The following MTHFD1L variants were observed in gnomAD, a reference collection of about 807,000 sequenced individuals.
MTHFD1L encodes the protein monofunctional C1-tetrahydrofolate synthase, mitochondrial.
MTHFD1L carries 81 observed loss-of-function variants against 119.5 expected under a neutral mutation model. That is an observed-to-expected ratio of 0.68 (90% CI 0.57 to 0.82). The LOEUF is 0.82. MTHFD1L is among the 40% of genes least tolerant of loss of function. The probability of loss-of-function intolerance (pLI) is 0.00; values close to 1 mark genes in which losing one functional copy is unlikely to be tolerated. For synonymous variants in MTHFD1L, 430 were observed against 475.2 expected (o/e 0.90, Z 1.24); for missense variants, 1,125 against 1,253.4 (o/e 0.90, Z 1.55).
At chr6:150,957,501 A>G (rs1016642208) in intron 17 of MTHFD1L, among the ~76,000 whole-genome samples, 1 of 144,752 alleles carries the variant, frequency 6.9e-6, no homozygotes, top group Non-Finnish European at 1.5e-5. Flanking sequence ...TGGAACTAAA[A>G]ATATTTTAAT....
intron 12 of MTHFD1L, 148 bp from the exon 13 acceptor site, chr6:150,938,551 C>A: frequency 1.4e-6 from 1 of 730,596 alleles, no homozygotes; most frequent in Non-Finnish European, 2.4e-6. Flanking sequence ...TTGGATATAA[C>A]CATTAGTGTC....
chr6:150,926,039 G>A lies in MTHFD1L; in HGVS notation c.1083-83G>A, dbSNP rs890579478. ...TAATTGCATTGATTTCATCGTTGGCGTGATGTGTGGCTGTTTTCACTCCAG... is the reference window on the plus strand; with the variant it reads ...TAATTGCATTGATTTCATCGTTGGCATGATGTGTGGCTGTTTTCACTCCAG... On this transcript the variant is annotated intron_variant, in intron 10 of 27. Transcript: ENST00000367321. This position sits in a 1 kb window ranked among gnomAD's most constrained non-coding sequence, Gnocchi z 4.3. 14 of 1,208,964 alleles carry A rather than the reference G, an allele frequency of 1.2e-5. No homozygotes were observed. Among genetic ancestry groups the A allele is most frequent in the Middle Eastern group, 2.1e-4 (1 of 4,696 alleles). 74.9% of individuals were successfully genotyped at this position (1,208,964 alleles called of 1,614,324 possible). A position where few individuals can be genotyped will look rare whatever the true frequency, so the allele number is the denominator to read the frequency against.
At chr6:150,994,064 T>TAAAAAAAAAAA (rs746589557) in intron 20 of MTHFD1L, among the ~76,000 whole-genome samples, 13 of 74,240 alleles carry the variant, frequency 1.8e-4, no homozygotes, top group African/African-American at 9.1e-4. Flanking sequence ...ACAACAACAG[T>TAAAAAAAAAAA]AAAAAAAAAA....
intron 19 of MTHFD1L, among the ~76,000 whole-genome samples, chr6:150,965,639 C>T (rs1221148952): frequency 2.7e-5 from 4 of 146,488 alleles, no homozygotes; most frequent in Non-Finnish European, 5.9e-5. Context: ...CCAGCCTGGG[C>T]GACAGAGCGA....
chr6:151,065,068 T>C (rs1419099331), intron 26 of MTHFD1L, among the ~76,000 whole-genome samples: 1 of 152,164 alleles, frequency 6.6e-6, no homozygotes, highest in Non-Finnish European at 1.5e-5. Context: ...ACTCCCAAAG[T>C]GCTGGGATTA....
chr6:150,888,322 C>T (rs988430881), intron 7 of MTHFD1L, among the ~76,000 whole-genome samples: 4 of 152,174 alleles, frequency 2.6e-5, no homozygotes, highest in African/African-American at 9.6e-5. Context: ...AGGCCAGTTT[C>T]AGCTATGAAT....
intron 26 of MTHFD1L, among the ~76,000 whole-genome samples, chr6:151,050,022 G>T (rs778674323): frequency 6.6e-6 from 1 of 152,178 alleles, no homozygotes; most frequent in Non-Finnish European, 1.5e-5. Flanking sequence ...AAGAGGACAG[G>T]GTTCAAGGGG....
At chr6:150,936,396 C>T (rs1792058331) in intron 11 of MTHFD1L, among the ~76,000 whole-genome samples, 2 of 152,270 alleles carry the variant, frequency 1.3e-5, no homozygotes, top group Middle Eastern at 6.8e-3. Context: ...GACCGTTGAG[C>T]TAGGCCCTGT....
intron 6 of MTHFD1L, among the ~76,000 whole-genome samples, chr6:150,886,932 G>C (rs1440974537): frequency 6.6e-6 from 1 of 150,604 alleles, no homozygotes; most frequent in African/African-American, 2.4e-5. Context: ...GGAGGTCAAG[G>C]CTTCAGTGAG....
In MTHFD1L at chr6:151,015,697, A is replaced by G. The variant is rs961894529; in HGVS notation, c.2586+4A>G. On this transcript the variant is annotated splice_donor_region_variant and intron_variant, in intron 24 of 27. Transcript: ENST00000367321. The stretch of plus-strand genomic sequence containing the variant: ...CCAGTTCCTGTATGATGTTCAGGTA[A>G]GATCTAGTAAAAACAATGGCTCACA... 3.1e-6 allele frequency: 5 copies of G among 1,612,492 alleles called. No homozygotes were observed. Among genetic ancestry groups the G allele is most frequent in the Non-Finnish European group, 4.2e-6 (5 of 1,179,428 alleles).
chr6:150,983,815 G>A (rs901092343), intron 20 of MTHFD1L, among the ~76,000 whole-genome samples: 3 of 152,106 alleles, frequency 2.0e-5, no homozygotes, highest in Admixed American at 6.6e-5. Flanking sequence ...TTGAGACAGA[G>A]TCTCGTTCTA....
At chr6:150,980,710 T>TAAAA (rs375964703) in intron 20 of MTHFD1L, among the ~76,000 whole-genome samples, 1 of 120,948 alleles carries the variant, frequency 8.3e-6, no homozygotes, top group African/African-American at 2.9e-5. Flanking sequence ...ACCCTGTCTC[T>TAAAA]AAAAAAAAAA....
intron 5 of MTHFD1L, among the ~76,000 whole-genome samples, chr6:150,883,375 G>T (rs1781680652): frequency 6.6e-6 from 1 of 152,046 alleles, no homozygotes; most frequent in Admixed American, 6.6e-5. Context: ...TACATATTTT[G>T]GAAAATACAT....
At chr6:150,923,057 T>C (rs779250500) in intron 10 of MTHFD1L, among the ~76,000 whole-genome samples, 14 of 152,166 alleles carry the variant, frequency 9.2e-5, no homozygotes, top group Non-Finnish European at 1.8e-4. Flanking sequence ...CCAACACGTA[T>C]ATATCCGCCT....
intron 4 of MTHFD1L, among the ~76,000 whole-genome samples, chr6:150,878,756 G>C (rs1224526847): frequency 1.3e-5 from 2 of 152,312 alleles, no homozygotes; most frequent in Non-Finnish European, 2.9e-5. Flanking sequence ...GGAATTTGTA[G>C]AGTTTGTATC....
At chr6:150,964,737 A>C (rs181439725) in intron 18 of MTHFD1L, among the ~76,000 whole-genome samples, 5 of 152,202 alleles carry the variant, frequency 3.3e-5, no homozygotes, top group Non-Finnish European at 7.3e-5. Context: ...AAGAAGGTCA[A>C]ATGTCCTTCA....
At chr6:150,931,252 A>G (rs1052416883) in intron 11 of MTHFD1L, among the ~76,000 whole-genome samples, 1 of 144,474 alleles carries the variant, frequency 6.9e-6, no homozygotes, top group African/African-American at 2.6e-5. Flanking sequence ...AATTTGAATC[A>G]TTCACATCAT....
chr6:150,883,837 T>TTC (rs1781766043), intron 5 of MTHFD1L, among the ~76,000 whole-genome samples: 1 of 152,134 alleles, frequency 6.6e-6, no homozygotes, highest in African/African-American at 2.4e-5. Flanking sequence ...GAACACAATG[T>TTC]GTTAATGGTT....
intron 8 of MTHFD1L, among the ~76,000 whole-genome samples, chr6:150,914,407 G>A (rs1295762246): frequency 2.0e-5 from 3 of 152,178 alleles, no homozygotes; most frequent in South Asian, 2.1e-4. Flanking sequence ...CCTACTGTAC[G>A]TAAAAATCAG....
Sources: allele counts gnomAD v4.1 joint callset (sites outside exome capture counted in the v4.1 genomes callset), GRCh38; gene constraint gnomAD v4.1.1; non-coding constraint Gnocchi (gnomAD v3.1); transcripts MANE v1.5; gene names NCBI Gene and HGNC (gene_info 2026-07-23, HGNC 2026-07-21).